The following TMEM120B variants were observed in gnomAD, a reference collection of about 807,000 sequenced individuals.
The protein encoded by TMEM120B is transmembrane protein 120B.
In TMEM120B, 31 loss-of-function variants were observed where a neutral mutation model predicts 55.5. The observed-to-expected ratio is 0.56, with a 90% confidence interval of 0.42 to 0.75. The LOEUF (loss-of-function observed/expected upper bound fraction) is 0.75. Among genes scored for constraint, TMEM120B ranks in the 30% least tolerant of loss-of-function variants. The pLI is 0.00. For synonymous variants in TMEM120B, 203 were observed against 176.3 expected, an observed-to-expected ratio of 1.15 and a Z score of -1.20; for missense variants, 399 against 425.5, an observed-to-expected ratio of 0.94 and a Z score of 0.55.
At chr12:121,744,879 G>T (rs1430807335) in intron 2 of TMEM120B, among the ~76,000 whole-genome samples, 1 of 152,226 alleles carries the variant, frequency 6.6e-6, no homozygotes, top group African/African-American at 2.4e-5. Context: ...GGTAGAGAGT[G>T]TGGATGGCCC....
intron 8 of TMEM120B, among the ~76,000 whole-genome samples, 191 bp from the exon 9 acceptor site, chr12:121,773,230 G>C (rs958167365): frequency 6.6e-6 from 1 of 152,208 alleles, no homozygotes; most frequent in African/African-American, 2.4e-5. Flanking sequence ...CTGGATAAGG[G>C]CTAAAGCAGG....
At chr12:121,748,254 G>A in intron 2 of TMEM120B, 72 bp from the exon 3 acceptor site, 1 of 1,200,824 alleles carries the variant, frequency 8.3e-7, no homozygotes, top group South Asian at 1.2e-5. Flanking sequence ...GGGAGGCTGG[G>A]GCCCGGGGAG....
At chr12:121,745,351 G>C (rs1435574731) in intron 2 of TMEM120B, among the ~76,000 whole-genome samples, 1 of 152,076 alleles carries the variant, frequency 6.6e-6, no homozygotes, top group Non-Finnish European at 1.5e-5. Flanking sequence ...GTCATCTGTA[G>C]GTTATTCCTT....
chr12:121,766,635 T>C (rs562844791), intron 6 of TMEM120B, among the ~76,000 whole-genome samples: 4 of 152,148 alleles, frequency 2.6e-5, no homozygotes, highest in Non-Finnish European at 4.4e-5. Context: ...CTGCAGAGGG[T>C]CCTGATTGGT....
chr12:121,719,810 T>C (rs1894763468), intron 1 of TMEM120B, among the ~76,000 whole-genome samples: 1 of 152,098 alleles, frequency 6.6e-6, no homozygotes, highest in Non-Finnish European at 1.5e-5. Context: ...TTCTCCTGCC[T>C]CAGCCTCCTG....
intron 5 of TMEM120B, among the ~76,000 whole-genome samples, chr12:121,757,265 G>A (rs917059949): frequency 2.6e-5 from 4 of 151,744 alleles, no homozygotes; most frequent in African/African-American, 7.3e-5. Context: ...GGGTTCAAGC[G>A]ATTCACCTGC....
chr12:121,781,121 C>T lies in TMEM120B; in HGVS notation c.*5399C>T, dbSNP rs773236803. On this transcript the variant is annotated 3_prime_UTR_variant, in exon 12 of 12. Coordinates refer to ENST00000449592, the MANE Select transcript of TMEM120B (RefSeq NM_001080825.2). ...TTGTCGTAGCTGGTGGGATTCATGA[C>T]GTCATAGCAGATGAGCACGAGGTGG... is the stretch of plus-strand genomic sequence containing the variant. The T allele has an allele frequency of 2.0e-5, 32 of 1,614,096 alleles. No individual in the cohort carries two copies. Among genetic ancestry groups the T allele is most frequent in the East Asian group, 8.9e-5 (4 of 44,898 alleles).
chr12:121,724,310 C>T (rs529679607), intron 1 of TMEM120B, among the ~76,000 whole-genome samples: 1 of 152,186 alleles, frequency 6.6e-6, no homozygotes, highest in East Asian at 1.9e-4. Context: ...GCTGGGATTA[C>T]AGGTGTGAGC....
At chr12:121,740,430 A>G (rs1273925452) in intron 1 of TMEM120B, among the ~76,000 whole-genome samples, 1 of 152,062 alleles carries the variant, frequency 6.6e-6, no homozygotes, top group Non-Finnish European at 1.5e-5. Flanking sequence ...GGTTGCAGTG[A>G]TTCGAGATCA....
chr12:121,772,083 CTT>C (rs869293917), intron 8 of TMEM120B, among the ~76,000 whole-genome samples: 1 of 135,760 alleles, frequency 7.4e-6, no homozygotes, highest in Non-Finnish European at 1.6e-5. Flanking sequence ...CTTTCTTTCT[CTT>C]TCTCTCTCTC....
intron 5 of TMEM120B, among the ~76,000 whole-genome samples, chr12:121,761,368 T>G (rs1873670915): frequency 6.6e-6 from 1 of 152,154 alleles, no homozygotes. Context: ...CAGGTTGCCC[T>G]GGGCTGAGTG....
At chr12:121,719,080 C>T (rs1363817666) in intron 1 of TMEM120B, among the ~76,000 whole-genome samples, 1 of 152,136 alleles carries the variant, frequency 6.6e-6, no homozygotes, top group South Asian at 2.1e-4. Context: ...CAGCTTGGGT[C>T]ATGTGACTAT....
intron 1 of TMEM120B, among the ~76,000 whole-genome samples, chr12:121,720,446 A>G (rs1894772463): frequency 6.6e-6 from 1 of 152,192 alleles, no homozygotes; most frequent in Non-Finnish European, 1.5e-5. Context: ...ACAGTGGCTC[A>G]TGCCTGTAAT....
intron 1 of TMEM120B, among the ~76,000 whole-genome samples, chr12:121,730,855 G>T (rs903196856): frequency 6.6e-6 from 1 of 151,662 alleles, no homozygotes; most frequent in African/African-American, 2.4e-5. Context: ...CTACTCGGGA[G>T]GCTGAGGCAG....
chr12:121,728,317 G>A (rs899072244), intron 1 of TMEM120B, among the ~76,000 whole-genome samples: 1 of 151,502 alleles, frequency 6.6e-6, no homozygotes, highest in African/African-American at 2.4e-5. Context: ...GTGAAACCCT[G>A]CCTCTACTAA....
At chr12:121,739,918 A>G (rs561298199) in intron 1 of TMEM120B, among the ~76,000 whole-genome samples, 7 of 146,124 alleles carry the variant, frequency 4.8e-5, no homozygotes, top group Non-Finnish European at 8.9e-5. Context: ...ACCTGGGATT[A>G]CAGGTGCCCG....
In TMEM120B at chr12:121,718,364, G is replaced by A. The variant is rs189836023; in HGVS notation, c.69+5400G>A. 6.0e-4 allele frequency among the ~76,000 whole-genome samples: 92 copies of A among 152,168 alleles called. 1 individual carries two copies. The highest frequency in any genetic ancestry group is 2.1e-3 in the African/African-American group (86 of 41,534). ...AAAAACAAAAAAAAACCTTAGCTGG[G>A]CATTGGTCGCTCGCTCCTGTAATCC... On this transcript the variant is annotated intron_variant, in intron 1 of 11. Coordinates refer to ENST00000449592, the MANE Select transcript of TMEM120B (RefSeq NM_001080825.2).
At chr12:121,745,726 C>T in intron 2 of TMEM120B, among the ~76,000 whole-genome samples, 1 of 152,058 alleles carries the variant, frequency 6.6e-6, no homozygotes, top group African/African-American at 2.4e-5. Context: ...GCTCTGTCAC[C>T]CAGGCTGGAG....
At chr12:121,772,560 G>A (rs1874101715) in intron 8 of TMEM120B, among the ~76,000 whole-genome samples, 1 of 151,924 alleles carries the variant, frequency 6.6e-6, no homozygotes, top group South Asian at 2.1e-4. Flanking sequence ...AAGTAGCTGG[G>A]ATTACAGGTG....
Sources: allele counts gnomAD v4.1 joint callset (sites outside exome capture counted in the v4.1 genomes callset), GRCh38; gene constraint gnomAD v4.1.1; transcripts MANE v1.5; gene names NCBI Gene and HGNC (gene_info 2026-07-23, HGNC 2026-07-21).